TAOK1: variants seen among roughly 807,000 people sequenced by gnomAD.
The protein encoded by TAOK1 is serine/threonine-protein kinase TAO1.
In TAOK1, 21 loss-of-function variants were observed where a neutral mutation model predicts 138.3. The observed-to-expected ratio is 0.15, with a 90% CI of 0.11 to 0.22. TAOK1 has a LOEUF of 0.22. Ranked by LOEUF, TAOK1 falls within the 10% of genes least tolerant of loss-of-function variation. The pLI, the probability that TAOK1 is intolerant of heterozygous loss-of-function variation, is 1.00. For missense variants in TAOK1, 651 were observed against 1,227.7 expected (o/e 0.53, Z 7.02); for synonymous variants, 361 against 398.4 (o/e 0.91, Z 1.12).
chr17:29,517,097 C>T (rs1042384642), intron 15 of TAOK1, among the ~76,000 whole-genome samples: 1 of 152,110 alleles, frequency 6.6e-6, no homozygotes, highest in African/African-American at 2.4e-5. Context: ...CACCATTCTC[C>T]TGCCTCAGCC....
intron 1 of TAOK1, among the ~76,000 whole-genome samples, chr17:29,412,102 G>A (rs1424932592): frequency 2.0e-5 from 3 of 151,340 alleles, no homozygotes; most frequent in African/African-American, 7.3e-5. Flanking sequence ...GAGTGCTGTT[G>A]TGCAATCTCA....
chr17:29,442,515 T>C (rs763408428), intron 1 of TAOK1, among the ~76,000 whole-genome samples: 4 of 152,158 alleles, frequency 2.6e-5, no homozygotes, highest in Non-Finnish European at 5.9e-5. Context: ...TTTTTTGTTA[T>C]TGTTTTTTGT....
At chr17:29,519,066 C>T (rs574697727) in intron 16 of TAOK1, among the ~76,000 whole-genome samples, 1 of 152,122 alleles carries the variant, frequency 6.6e-6, no homozygotes, top group African/African-American at 2.4e-5. Flanking sequence ...AGTGGCCAGC[C>T]TTGATTTTTA....
rs1002342635 is a variant in TAOK1 at position 29,543,750 on chromosome 17, A to G, written c.*728A>G. ...TTCCTGAATGCGTCATAGGCTTGTG[A>G]GTGATTTTTGTCCATTCAATTGTGC... On this transcript the variant is annotated 3_prime_UTR_variant, in exon 20 of 20. Coordinates refer to ENST00000261716, the MANE Select transcript of TAOK1 (RefSeq NM_020791.4). 2 of 152,104 alleles carry G rather than the reference A, an allele frequency of 1.3e-5. No individual in the cohort carries two copies. Among genetic ancestry groups the G allele is most frequent in the African/African-American group, 4.8e-5 (2 of 41,410 alleles). The allele number at this position is 152,104 out of a possible 1,614,324, so 9.4% of individuals were successfully genotyped here. A position where few individuals can be genotyped will look rare whatever the true frequency, so the allele number is the denominator to read the frequency against.
chr17:29,407,666 C>T (rs900136620), intron 1 of TAOK1, among the ~76,000 whole-genome samples: 6 of 149,442 alleles, frequency 4.0e-5, no homozygotes, highest in African/African-American at 7.4e-5. Context: ...AGGCTGGTCT[C>T]GAACTCCTGG....
At chr17:29,452,742 CTT>C (rs1418736049) in intron 2 of TAOK1, among the ~76,000 whole-genome samples, 1 of 152,182 alleles carries the variant, frequency 6.6e-6, no homozygotes, top group Admixed American at 6.5e-5. Flanking sequence ...AATATTTATT[CTT>C]TTGTTTCTAG....
At chr17:29,532,974 GCCGGGCA>G (rs2032148872) in intron 18 of TAOK1, among the ~76,000 whole-genome samples, 3 of 80,524 alleles carry the variant, frequency 3.7e-5, no homozygotes, top group Non-Finnish European at 5.0e-5. Context: ...GGGGCGGGTG[GCCGGGCA>G]GGGGGCTGAC....
At chr17:29,498,227 C>T (rs2031450212) in intron 11 of TAOK1, 91 bp from the exon 12 acceptor site, 2 of 1,310,446 alleles carry the variant, frequency 1.5e-6, no homozygotes, top group Admixed American at 3.8e-5. Flanking sequence ...GACTGTCTGC[C>T]AAGTGGTATG....
intron 18 of TAOK1, among the ~76,000 whole-genome samples, chr17:29,533,300 G>T (rs956918123): frequency 6.8e-6 from 1 of 148,102 alleles, no homozygotes; most frequent in African/African-American, 2.5e-5. Flanking sequence ...GGGAAGAGGC[G>T]CTCCTCACTT....
intron 1 of TAOK1, among the ~76,000 whole-genome samples, chr17:29,418,867 T>C (rs1905338665): frequency 6.6e-6 from 1 of 151,870 alleles, no homozygotes; most frequent in Non-Finnish European, 1.5e-5. Flanking sequence ...AGTTTTAGCA[T>C]CAATTAGAGT....
At position 29,533,133 on chromosome 17, in the gene TAOK1, C is replaced by T. The variant is rs572750631; in HGVS notation, c.2362-985C>T. On this transcript the variant is annotated intron_variant, in intron 18 of 19. Coordinates refer to ENST00000261716, the MANE Select transcript of TAOK1 (RefSeq NM_020791.4). ...CTCACTTCTCAGACGGGGCGGTTGC[C>T]GGGCAGAGACGCTCCTCACCTCCCA... 3.4e-3 allele frequency among the ~76,000 whole-genome samples: 513 copies of T among 150,640 alleles called. 3 individuals are homozygous for T. The highest frequency in any genetic ancestry group is 4.4e-3 in the Non-Finnish European group (297 of 67,392).
intron 2 of TAOK1, among the ~76,000 whole-genome samples, chr17:29,465,616 A>T (rs1477533849): frequency 6.6e-6 from 1 of 152,160 alleles, no homozygotes; most frequent in African/African-American, 2.4e-5. Context: ...AGCCATCACT[A>T]CAATCCAGTT....
chr17:29,526,145 C>T (rs1466158346), intron 17 of TAOK1, among the ~76,000 whole-genome samples: 2 of 152,226 alleles, frequency 1.3e-5, no homozygotes, highest in East Asian at 3.9e-4. Flanking sequence ...TGTGGTGGCA[C>T]ATGCTTGCTC....
chr17:29,530,445 C>T lies in TAOK1; in HGVS notation c.2187C>T (p.Thr729=). 6.2e-7 allele frequency: 1 copy of T among 1,614,060 alleles called. No homozygotes were observed. Among genetic ancestry groups the T allele is most frequent in the Non-Finnish European group, 8.5e-7 (1 of 1,180,006 alleles). Residue 729 remains threonine, a synonymous_variant, in exon 18 of 20, where the codon ACC becomes ACT. Transcript: ENST00000261716. ...ELQIKKQFQD[T]CKIQTRQYKA... ...AAATAAAAAAGCAGTTTCAGGATAC[C>T]TGCAAAATCCAAACCAGACAGTACA... is the stretch of plus-strand genomic sequence containing the variant.
Position 29,428,586 on chromosome 17 carries a change from C to G in TAOK1, c.-94-22869C>G, listed in dbSNP as rs543295321. 8.5e-5 allele frequency among the ~76,000 whole-genome samples: 13 copies of G among 152,180 alleles called. No homozygotes were observed. In the South Asian group the frequency reaches 2.7e-3, roughly 32 times the overall value. Reference sequence around the variant, plus strand: ...CAAATTACTTACATTCTTTGAACTTCAAGTATAATTTGAGGTGGTAATTAT... The same window carrying G: ...CAAATTACTTACATTCTTTGAACTTGAAGTATAATTTGAGGTGGTAATTAT... On this transcript the variant is annotated intron_variant, in intron 1 of 19. Coordinates refer to ENST00000261716, the MANE Select transcript of TAOK1 (RefSeq NM_020791.4).
chr17:29,497,846 A>AT (rs1567735512), intron 11 of TAOK1, among the ~76,000 whole-genome samples: 3 of 151,144 alleles, frequency 2.0e-5, no homozygotes, highest in Non-Finnish European at 1.5e-5. Flanking sequence ...CTAGTACTTT[A>AT]TTTTTTTTTA....
intron 1 of TAOK1, chr17:29,404,109 G>A (rs1904924888): frequency 6.6e-6 from 1 of 151,958 alleles, no homozygotes; most frequent in African/African-American, 2.4e-5. Flanking sequence ...GTTGAGATAT[G>A]AAATATTTCT....
chr17:29,400,981 G>C (rs920573252), intron 1 of TAOK1, among the ~76,000 whole-genome samples: 2 of 141,994 alleles, frequency 1.4e-5, no homozygotes, highest in Admixed American at 7.6e-5. Context: ...TGTGATCATA[G>C]TTCACTGCGG....
chr17:29,420,377 T>G (rs1359423518), intron 1 of TAOK1, among the ~76,000 whole-genome samples: 1 of 152,122 alleles, frequency 6.6e-6, no homozygotes, highest in Non-Finnish European at 1.5e-5. Flanking sequence ...GCAACCTTGA[T>G]AAATTCACTT....
Sources: gnomAD v4.1 joint callset for allele counts (sites outside exome capture counted in the v4.1 genomes callset) on GRCh38, gnomAD v4.1.1 for gene constraint, MANE v1.5 for transcripts, NCBI Gene and HGNC (gene_info 2026-07-23, HGNC 2026-07-21) for gene names.